Variants in GRAMD1B observed in about 807,000 individuals in gnomAD.
The protein encoded by GRAMD1B is GRAM domain containing 1B.
Under a neutral mutation model 99.7 loss-of-function variants are expected in GRAMD1B, and 37 were observed. That is an observed-to-expected ratio of 0.37 (90% CI 0.29 to 0.49). GRAMD1B has a LOEUF of 0.49. GRAMD1B is among the 20% of genes least tolerant of loss of function. The pLI is 0.98. For synonymous variants in GRAMD1B, 427 were observed against 387.6 expected, an observed-to-expected ratio of 1.10 and a Z score of -1.19; for missense variants, 888 against 1,009.2, an observed-to-expected ratio of 0.88 and a Z score of 1.63.
chr11:123,565,636 G>A (rs1592033244), intron 2 of GRAMD1B, among the ~76,000 whole-genome samples: 3 of 152,358 alleles, frequency 2.0e-5, no homozygotes, highest in Admixed American at 1.3e-4. Context: ...TAAGCAGCTG[G>A]CCAGTGGGAG....
chr11:123,451,230 A>G (rs1371621532), intron 1 of GRAMD1B, among the ~76,000 whole-genome samples: 1 of 152,192 alleles, frequency 6.6e-6, no homozygotes, highest in East Asian at 1.9e-4. Flanking sequence ...ATTCTTTGTG[A>G]TTGCTGTAGC....
At chr11:123,601,141 C>T (rs1203742161) in intron 8 of GRAMD1B, among the ~76,000 whole-genome samples, 2 of 152,046 alleles carry the variant, frequency 1.3e-5, no homozygotes, top group Non-Finnish European at 2.9e-5. Flanking sequence ...AAGGCCCACT[C>T]CTGGATGAGT....
rs920875686 is a variant in GRAMD1B at position 123,473,364 on chromosome 11, A to G, written c.375-7452A>G. On this transcript the variant is annotated intron_variant, in intron 1 of 19. Transcript: ENST00000635736. Reference sequence around the variant, plus strand: ...CAGGCGTGAGCCACCGTGCCCTGACAATTTCTTCTTAACTCCCATATCACC... The same window carrying G: ...CAGGCGTGAGCCACCGTGCCCTGACGATTTCTTCTTAACTCCCATATCACC... Among the ~76,000 whole-genome samples the G allele has an allele frequency of 3.3e-5, 5 of 151,916 alleles. 1 individual carries two copies. The highest frequency in any genetic ancestry group is 1.2e-4 in the African/African-American group (5 of 41,360).
intron 2 of GRAMD1B, among the ~76,000 whole-genome samples, chr11:123,568,622 A>G (rs1385110911): frequency 6.6e-6 from 1 of 152,224 alleles, no homozygotes; most frequent in Non-Finnish European, 1.5e-5. Flanking sequence ...CAGGGAAGAA[A>G]GGCGTTAGCT....
At chr11:123,375,425 C>A (rs1319725491) in intron 1 of GRAMD1B, among the ~76,000 whole-genome samples, 2 of 152,072 alleles carry the variant, frequency 1.3e-5, no homozygotes, top group Admixed American at 6.6e-5. Flanking sequence ...GAGAGACAAG[C>A]AAGCAAAGAA....
chr11:123,361,586 G>A (rs1946147935), intron 1 of GRAMD1B, among the ~76,000 whole-genome samples: 1 of 152,116 alleles, frequency 6.6e-6, no homozygotes, highest in Non-Finnish European at 1.5e-5. Context: ...TTCTTTTCCT[G>A]TCTAGGCACG....
chr11:123,523,023 A>G (rs1942345726), intron 2 of GRAMD1B, among the ~76,000 whole-genome samples: 1 of 152,162 alleles, frequency 6.6e-6, no homozygotes, highest in Admixed American at 6.6e-5. Context: ...GCTGTTTGAC[A>G]TTAGGCAAAT....
At chr11:123,585,808 C>G (rs1446069417) in intron 4 of GRAMD1B, among the ~76,000 whole-genome samples, 1 of 152,200 alleles carries the variant, frequency 6.6e-6, no homozygotes, top group Non-Finnish European at 1.5e-5. Flanking sequence ...TCAGACATCT[C>G]CGTTTGGACA....
Position 123,475,898 on chromosome 11 carries a change from C to T in GRAMD1B, c.375-4918C>T, listed in dbSNP as rs80308356. Among the ~76,000 whole-genome samples, 24 of 152,146 alleles carry T rather than the reference C, an allele frequency of 1.6e-4. No individual in the cohort carries two copies. In the East Asian group the frequency reaches 3.5e-3, roughly 22 times the overall value. On this transcript the variant is annotated intron_variant, in intron 1 of 19. Coordinates refer to ENST00000635736, the MANE Select transcript of GRAMD1B (RefSeq NM_001387025.1). ...TGGAGGTTGCTCTTTTCATGGTCTC[C>T]GAAGACTGGTAGGTTTATTTAGGGA...
intron 1 of GRAMD1B, among the ~76,000 whole-genome samples, chr11:123,470,753 T>C (rs569494695): frequency 1.3e-5 from 2 of 152,190 alleles, no homozygotes; most frequent in African/African-American, 2.4e-5. Flanking sequence ...GTAAAGTTGC[T>C]TACATTTTGA....
intron 1 of GRAMD1B, among the ~76,000 whole-genome samples, chr11:123,444,567 C>T (rs186736634): frequency 6.6e-5 from 10 of 152,090 alleles, no homozygotes; most frequent in South Asian, 2.1e-4. Flanking sequence ...TGAGCCCCCA[C>T]GTCTTTCCAT....
chr11:123,382,094 C>T (rs12574231), intron 1 of GRAMD1B, among the ~76,000 whole-genome samples: 7,096 of 152,158 alleles, frequency 0.047, 203 homozygotes, highest in East Asian at 0.079. Flanking sequence ...TGAATGATAT[C>T]AGTAGAAAAG....
At chr11:123,435,395 G>T (rs1436162984) in intron 1 of GRAMD1B, 1 of 688,406 alleles carries the variant, frequency 1.5e-6, no homozygotes, top group Non-Finnish European at 2.6e-6. Flanking sequence ...TTCATTATTT[G>T]TTTGTTTGTT....
At chr11:123,557,120 T>G (rs541564658) in intron 2 of GRAMD1B, among the ~76,000 whole-genome samples, 1 of 152,364 alleles carries the variant, frequency 6.6e-6, no homozygotes, top group African/African-American at 2.4e-5. Flanking sequence ...GAATAGTAAG[T>G]AGTATCCATT....
At chr11:123,580,636 G>A (rs927567041) in intron 3 of GRAMD1B, among the ~76,000 whole-genome samples, 7 of 152,204 alleles carry the variant, frequency 4.6e-5, no homozygotes, top group Non-Finnish European at 7.3e-5. Flanking sequence ...CCATCATTGT[G>A]CTGTCCAGGC....
chr11:123,406,552 C>T (rs974631884), intron 1 of GRAMD1B, among the ~76,000 whole-genome samples: 1 of 152,136 alleles, frequency 6.6e-6, no homozygotes, highest in Non-Finnish European at 1.5e-5. Flanking sequence ...CTGCCGGGCC[C>T]ATTGTTGTTT....
intron 2 of GRAMD1B, among the ~76,000 whole-genome samples, chr11:123,502,955 G>A (rs1309706647): frequency 6.6e-6 from 1 of 152,140 alleles, no homozygotes; most frequent in Non-Finnish European, 1.5e-5. Context: ...GTTTGCTCAT[G>A]TGATCCCGTG....
rs112716925 is a variant in GRAMD1B at position 123,530,747 on chromosome 11, C to T, written c.453-46620C>T. 3.3e-5 allele frequency among the ~76,000 whole-genome samples: 5 copies of T among 152,324 alleles called. 1 individual carries two copies. The highest frequency in any genetic ancestry group is 9.6e-5 in the African/African-American group (4 of 41,586). ...CCCTAGACATGGCCCCTGCACACCT[C>T]CTATAGAGCCAGGCTTCCCAGCTAT... On this transcript the variant is annotated intron_variant, in intron 2 of 19. Transcript: ENST00000635736.
Position 123,623,393 on chromosome 11 carries a change from A to G in GRAMD1B, c.*798A>G, listed in dbSNP as rs1955325344. The stretch of plus-strand genomic sequence containing the variant: ...GTCACTTTTTAGTGCCTAAAGTCCT[A>G]TTGTTTCTCTGTGCCCTAAGAGCAC... On this transcript the variant is annotated 3_prime_UTR_variant, in exon 20 of 20. Transcript: ENST00000635736. 1.3e-5 allele frequency: 2 copies of G among 152,042 alleles called. No individual in the cohort carries two copies. Among genetic ancestry groups the G allele is most frequent in the Non-Finnish European group, 2.9e-5 (2 of 68,010 alleles). 9.4% of individuals were successfully genotyped at this position (152,042 alleles called of 1,614,324 possible).
Sources: allele counts gnomAD v4.1 joint callset (sites outside exome capture counted in the v4.1 genomes callset), GRCh38; gene constraint gnomAD v4.1.1; transcripts MANE v1.5; gene names NCBI Gene and HGNC (gene_info 2026-07-23, HGNC 2026-07-21).